COL5A1: variants seen among roughly 807,000 people sequenced by gnomAD.
COL5A1 encodes the protein collagen type V alpha 1 chain.
Under a neutral mutation model 263.7 loss-of-function variants are expected in COL5A1, and 16 were observed. The observed-to-expected ratio is 0.06, with a 90% confidence interval of 0.04 to 0.09. The LOEUF (loss-of-function observed/expected upper bound fraction) is 0.09. Ranked by LOEUF, COL5A1 falls within the 10% of genes least tolerant of loss-of-function variation. COL5A1 has a pLI of 1.00. For synonymous variants in COL5A1, 1,012 were observed against 1,004.5 expected, an observed-to-expected ratio of 1.01 and a Z score of -0.14; for missense variants, 2,036 against 2,540.5, an observed-to-expected ratio of 0.80 and a Z score of 4.27.
At chr9:134,698,967 C>T (rs886940151) in intron 2 of COL5A1, among the ~76,000 whole-genome samples, 7 of 152,232 alleles carry the variant, frequency 4.6e-5, no homozygotes, top group African/African-American at 1.2e-4. Context: ...CCTGGGACAC[C>T]GCTCCTTCTG....
chr9:134,814,442 C>T (rs923330345), intron 49 of COL5A1, among the ~76,000 whole-genome samples: 5 of 152,168 alleles, frequency 3.3e-5, no homozygotes, highest in African/African-American at 1.2e-4. Flanking sequence ...TGGGTGGACT[C>T]GGGTCTTCTG....
intron 4 of COL5A1, among the ~76,000 whole-genome samples, chr9:134,720,558 A>G (rs1008090158): frequency 6.6e-6 from 1 of 152,208 alleles, no homozygotes; most frequent in African/African-American, 2.4e-5. Context: ...TGTCCTCTCC[A>G]GCACACTGGG....
At chr9:134,840,012 C>G (rs1839970245) in intron 65 of COL5A1, among the ~76,000 whole-genome samples, 1 of 152,260 alleles carries the variant, frequency 6.6e-6, no homozygotes, top group Non-Finnish European at 1.5e-5. Flanking sequence ...GTTTTGCTGT[C>G]AAGTCCGGGG....
At chr9:134,828,604 A>G (rs1425949908) in intron 63 of COL5A1, among the ~76,000 whole-genome samples, 1 of 4,530 alleles carries the variant, frequency 2.2e-4, no homozygotes, top group Non-Finnish European at 4.9e-4. Flanking sequence ...TCACACAGAT[A>G]CACACCATAC....
chr9:134,791,749 C>A (rs28718958), intron 32 of COL5A1, among the ~76,000 whole-genome samples: 1 of 30,628 alleles, frequency 3.3e-5, no homozygotes, highest in East Asian at 3.9e-4. Flanking sequence ...TTGCCTTGGG[C>A]TTTGGACTTG....
intron 1 of COL5A1, among the ~76,000 whole-genome samples, chr9:134,685,805 TATCCATCCATTCATCC>T (rs1351940567): frequency 1.8e-5 from 2 of 113,956 alleles, no homozygotes; most frequent in Non-Finnish European, 3.6e-5. Flanking sequence ...ATCATCCATC[TATCCATCCATTCATCC>T]ATCCATCCAT....
chr9:134,798,794 A>G (rs1838009325), intron 37 of COL5A1, among the ~76,000 whole-genome samples: 1 of 152,266 alleles, frequency 6.6e-6, no homozygotes, highest in Admixed American at 6.5e-5. Flanking sequence ...CTGAAGCCTC[A>G]TGCATCCAGC....
chr9:134,732,989 G>A (rs1347717982), intron 9 of COL5A1, among the ~76,000 whole-genome samples: 3 of 152,210 alleles, frequency 2.0e-5, no homozygotes, highest in Non-Finnish European at 4.4e-5. Context: ...TGGTGGGCAC[G>A]ACCGGAGAGC....
intron 10 of COL5A1, 72 bp from the exon 11 acceptor site, chr9:134,738,674 T>G (rs1835191008): frequency 6.7e-7 from 1 of 1,494,684 alleles, no homozygotes; most frequent in Non-Finnish European, 9.3e-7. Context: ...CTGCCTTGGT[T>G]GGCCAGTTGG....
chr9:134,803,506 G>A (rs866485291), intron 39 of COL5A1, among the ~76,000 whole-genome samples: 2 of 152,090 alleles, frequency 1.3e-5, no homozygotes, highest in African/African-American at 2.4e-5. Context: ...GTGGTGGTGC[G>A]CACCTGTAAT....
chr9:134,746,055 C>T (rs1489953779), intron 11 of COL5A1, among the ~76,000 whole-genome samples: 1 of 152,170 alleles, frequency 6.6e-6, no homozygotes, highest in East Asian at 1.9e-4. Context: ...CTCAAAGACC[C>T]CAAGTAAGGG....
intron 65 of COL5A1, among the ~76,000 whole-genome samples, chr9:134,840,028 C>T (rs1172787040): frequency 1.3e-5 from 2 of 152,250 alleles, no homozygotes; most frequent in African/African-American, 2.4e-5. Context: ...CGGGGGTGCC[C>T]CATGGCGAGG....
At chr9:134,815,806 G>C (rs1838724390) in intron 51 of COL5A1, 129 bp from the exon 52 acceptor site, 1 of 1,313,118 alleles carries the variant, frequency 7.6e-7, no homozygotes, top group East Asian at 2.4e-5. Flanking sequence ...TGACCCCACT[G>C]ACCATGCTCT....
At chr9:134,766,529 CA>C (rs1564445794) in intron 22 of COL5A1, 31 bp downstream of exon 22, 8 of 1,611,694 alleles carry the variant, frequency 5.0e-6, no homozygotes, top group Non-Finnish European at 6.8e-6. Flanking sequence ...GGCCTGGCTT[CA>C]GGGGCACTTT....
chr9:134,760,081 CGCAT>C (rs1836266582), intron 18 of COL5A1, among the ~76,000 whole-genome samples: 2 of 134,180 alleles, frequency 1.5e-5, no homozygotes, highest in Non-Finnish European at 1.6e-5. Context: ...CATGCACACA[CGCAT>C]ACACGCCCAC....
chr9:134,738,999 G>A (rs1223327840), intron 11 of COL5A1, among the ~76,000 whole-genome samples, 191 bp downstream of exon 11: 2 of 152,192 alleles, frequency 1.3e-5, no homozygotes, highest in South Asian at 2.1e-4. Context: ...CTGTGGCTAT[G>A]GGGAGAGTGG....
chr9:134,834,377 G>A lies in COL5A1; in HGVS notation c.5137-594G>A, dbSNP rs373907376. Among the ~76,000 whole-genome samples, 16 of 152,336 alleles carry A rather than the reference G, an allele frequency of 1.1e-4. No homozygotes were observed. In the East Asian group the frequency reaches 2.7e-3, roughly 26 times the overall value. ...GACCCAGATCACCATCTGGGATGGA[G>A]GCACCCAGGTGGCAGAAGGGGAGAA... On this transcript the variant is annotated intron_variant, in intron 64 of 65. Transcript: ENST00000371817.
At chr9:134,778,507 C>T (rs992739922) in intron 27 of COL5A1, among the ~76,000 whole-genome samples, 6 of 152,230 alleles carry the variant, frequency 3.9e-5, no homozygotes, top group Admixed American at 3.3e-4. Context: ...TAGAGACTAG[C>T]GTAGGAGAGG....
At chr9:134,828,467 C>CCACACGCACACGCAGA (rs1447528945) in intron 63 of COL5A1, among the ~76,000 whole-genome samples, 2 of 98,984 alleles carry the variant, frequency 2.0e-5, no homozygotes, top group African/African-American at 1.2e-4. Flanking sequence ...CAGATGCACA[C>CCACACGCACACGCAGA]TACACACCAC....
Sources: gnomAD v4.1 joint callset for allele counts (sites outside exome capture counted in the v4.1 genomes callset) on GRCh38, gnomAD v4.1.1 for gene constraint, MANE v1.5 for transcripts, NCBI Gene and HGNC (gene_info 2026-07-23, HGNC 2026-07-21) for gene names.